Variants in NLGN1 observed in about 807,000 individuals in gnomAD.
NLGN1 encodes neuroligin-1.
Under a neutral mutation model 65.5 loss-of-function variants are expected in NLGN1, and 12 were observed. The ratio of observed to expected loss-of-function variants is 0.18; its 90% CI spans 0.12 to 0.30. The LOEUF is 0.30. NLGN1 is among the 10% of genes least tolerant of loss of function. NLGN1 has a pLI of 1.00. For synonymous variants in NLGN1, 350 were observed against 359.5 expected (o/e 0.97, Z 0.30); for missense variants, 750 against 1,007.1 (o/e 0.74, Z 3.46).
intron 4 of NLGN1, among the ~76,000 whole-genome samples, chr3:173,861,722 G>T (rs1729148270): frequency 6.6e-6 from 1 of 151,844 alleles, no homozygotes; most frequent in African/African-American, 2.4e-5. Flanking sequence ...GATAGTATGT[G>T]TGTGTGTTTG....
At chr3:173,832,934 G>A (rs1469103777) in intron 4 of NLGN1, among the ~76,000 whole-genome samples, 1 of 151,892 alleles carries the variant, frequency 6.6e-6, no homozygotes, top group African/African-American at 2.4e-5. Flanking sequence ...ATCTTTTCTG[G>A]TCAGCACTCC....
chr3:174,010,165 A>G (rs531948689), intron 4 of NLGN1, among the ~76,000 whole-genome samples: 1 of 152,340 alleles, frequency 6.6e-6, no homozygotes, highest in East Asian at 1.9e-4. Context: ...AAAAATGTTC[A>G]AATCAAAACA....
At chr3:173,933,762 A>G (rs556458259) in intron 4 of NLGN1, among the ~76,000 whole-genome samples, 1 of 152,250 alleles carries the variant, frequency 6.6e-6, no homozygotes, top group South Asian at 2.1e-4. Flanking sequence ...CCCATTAGGC[A>G]GTGACTAGGT....
chr3:174,084,424 A>G (rs1465671754), intron 4 of NLGN1, among the ~76,000 whole-genome samples: 2 of 152,156 alleles, frequency 1.3e-5, no homozygotes, highest in Non-Finnish European at 2.9e-5. Flanking sequence ...ACATTTTTAA[A>G]AAAATAAGAC....
At chr3:173,794,962 AT>A (rs1382599631) in intron 3 of NLGN1, among the ~76,000 whole-genome samples, 1 of 152,052 alleles carries the variant, frequency 6.6e-6, no homozygotes, top group African/African-American at 2.4e-5. Context: ...TTAACATAAG[AT>A]TCTCCTTTTT....
chr3:173,671,514 C>G (rs1056376765), intron 3 of NLGN1, among the ~76,000 whole-genome samples: 1 of 152,132 alleles, frequency 6.6e-6, no homozygotes, highest in African/African-American at 2.4e-5. Flanking sequence ...ACATGGTTAA[C>G]CACATTGGAA....
intron 4 of NLGN1, among the ~76,000 whole-genome samples, chr3:173,990,243 C>G (rs1720817554): frequency 6.6e-6 from 1 of 152,120 alleles, no homozygotes; most frequent in African/African-American, 2.4e-5. Flanking sequence ...TTTGCAAGTA[C>G]TTAGGGTGCT....
intron 4 of NLGN1, among the ~76,000 whole-genome samples, chr3:174,072,334 ACCTTG>A (rs536539140): frequency 1.2e-4 from 19 of 152,138 alleles, no homozygotes; most frequent in Non-Finnish European, 2.2e-4. Context: ...TAAGATTTTG[ACCTTG>A]GGTGAGTTAA....
intron 4 of NLGN1, among the ~76,000 whole-genome samples, chr3:174,201,678 G>T (rs1005562769): frequency 6.6e-6 from 1 of 152,224 alleles, no homozygotes; most frequent in Non-Finnish European, 1.5e-5. Flanking sequence ...TAAAAGGAGA[G>T]GGCAATATTG....
chr3:174,275,960 G>C (rs528175979), intron 5 of NLGN1, among the ~76,000 whole-genome samples: 1 of 151,752 alleles, frequency 6.6e-6, no homozygotes, highest in South Asian at 2.1e-4. Context: ...CTAACGAAGC[G>C]GTCATAAGCT....
At chr3:173,433,101 A>G (rs1717485461) in intron 1 of NLGN1, among the ~76,000 whole-genome samples, 1 of 152,228 alleles carries the variant, frequency 6.6e-6, no homozygotes, top group African/African-American at 2.4e-5. Flanking sequence ...GTTAATGAGA[A>G]ACATGGCTTT....
intron 3 of NLGN1, among the ~76,000 whole-genome samples, chr3:173,711,512 C>A (rs1368717591): frequency 6.6e-6 from 1 of 152,152 alleles, no homozygotes; most frequent in East Asian, 1.9e-4. Context: ...TGGTTTATAA[C>A]AGTGTCTTTT....
chr3:173,448,207 A>G (rs1438774480), intron 2 of NLGN1, among the ~76,000 whole-genome samples: 1 of 152,130 alleles, frequency 6.6e-6, no homozygotes, highest in African/African-American at 2.4e-5. Context: ...TTTGTCATAG[A>G]TAGCTCTTAT....
chr3:174,034,896 A>T (rs1037925776), intron 4 of NLGN1, among the ~76,000 whole-genome samples: 3 of 152,168 alleles, frequency 2.0e-5, no homozygotes, highest in African/African-American at 7.2e-5. Flanking sequence ...GTGAGGGTGG[A>T]TAAAAAAAAG....
chr3:173,946,141 A>G (rs1747099566), intron 4 of NLGN1, among the ~76,000 whole-genome samples: 1 of 152,234 alleles, frequency 6.6e-6, no homozygotes, highest in African/African-American at 2.4e-5. Context: ...AGAGTTTAGA[A>G]ATGCAAATTA....
intron 4 of NLGN1, among the ~76,000 whole-genome samples, chr3:174,066,568 G>C (rs371943782): frequency 2.7e-3 from 291 of 105,916 alleles, no homozygotes; most frequent in Non-Finnish European, 3.4e-3. Flanking sequence ...CTCTCTCTGT[G>C]TGTGTGTGTG....
At chr3:173,458,197 G>T (rs553395350) in intron 2 of NLGN1, among the ~76,000 whole-genome samples, 1 of 152,178 alleles carries the variant, frequency 6.6e-6, no homozygotes, top group South Asian at 2.1e-4. Flanking sequence ...CAGAGGGTGA[G>T]AGAGGAGGGA....
At chr3:173,430,352 C>T (rs566530935) in intron 1 of NLGN1, among the ~76,000 whole-genome samples, 1 of 152,264 alleles carries the variant, frequency 6.6e-6, no homozygotes, top group Non-Finnish European at 1.5e-5. Flanking sequence ...AGCCAGATTG[C>T]TCTTACTCCA....
intron 3 of NLGN1, among the ~76,000 whole-genome samples, chr3:173,638,416 G>T (rs1269219511): frequency 6.6e-6 from 1 of 150,998 alleles, no homozygotes; most frequent in African/African-American, 2.4e-5. Context: ...AAATTTGCAG[G>T]TGTGCAAGCC....
Sources: allele counts gnomAD v4.1 joint callset (sites outside exome capture counted in the v4.1 genomes callset), GRCh38; gene constraint gnomAD v4.1.1; transcripts MANE v1.5; gene names NCBI Gene and HGNC (gene_info 2026-07-23, HGNC 2026-07-21).